MARCHF1: variants seen among roughly 807,000 people sequenced by gnomAD.
MARCHF1 encodes the protein membrane associated ring-CH-type finger 1.
MARCHF1 carries 40 observed loss-of-function variants against 54.2 expected under a neutral mutation model. The observed-to-expected ratio is 0.74, with a 90% confidence interval of 0.57 to 0.96. MARCHF1 has a LOEUF of 0.96. Among genes scored for constraint, MARCHF1 ranks in the 40% least tolerant of loss-of-function variants. The pLI, the probability that MARCHF1 is intolerant of heterozygous loss-of-function variation, is 0.00. For missense variants in MARCHF1, 586 were observed against 656.5 expected (o/e 0.89, Z 1.17); for synonymous variants, 236 against 236.3 (o/e 1.00, Z 0.01).
At chr4:164,150,301 A>T (rs1315965684) in intron 1 of MARCHF1, among the ~76,000 whole-genome samples, 1 of 152,170 alleles carries the variant, frequency 6.6e-6, no homozygotes, top group Non-Finnish European at 1.5e-5. Context: ...GTGCTTTGCA[A>T]AAGTAAAGCA....
intron 1 of MARCHF1, among the ~76,000 whole-genome samples, chr4:164,345,441 G>A (rs1730061915): frequency 6.6e-6 from 1 of 151,698 alleles, no homozygotes; most frequent in Non-Finnish European, 1.5e-5. Flanking sequence ...GTGTAGTGGC[G>A]CATGCTTGTA....
At chr4:163,842,790 G>T (rs904515499) in intron 4 of MARCHF1, among the ~76,000 whole-genome samples, 1 of 152,152 alleles carries the variant, frequency 6.6e-6, no homozygotes, top group African/African-American at 2.4e-5. Flanking sequence ...CATTCCCAAA[G>T]AATTTGTTTG....
At position 163,721,099 on chromosome 4, in the gene MARCHF1, A is replaced by C. The variant is rs186571355; in HGVS notation, c.112-20236T>G. On this transcript the variant is annotated intron_variant, in intron 4 of 9. Transcript: ENST00000514618. ...GAGTGGTGAGAGAGGGCATCCCTGT[A>C]TTGTGCCGGTTTTCAAAGGGAATGC... Among the ~76,000 whole-genome samples, 691 of 152,138 alleles carry C rather than the reference A, an allele frequency of 4.5e-3. 7 individuals carry two copies. The highest frequency in any genetic ancestry group is 0.016 in the African/African-American group (651 of 41,512).
chr4:164,261,322 C>A (rs957589986), intron 1 of MARCHF1, among the ~76,000 whole-genome samples: 13 of 152,110 alleles, frequency 8.5e-5, no homozygotes, highest in South Asian at 4.1e-4. Context: ...TAGATATGAT[C>A]ATTGTCTCCA....
chr4:163,879,821 G>GTGTGTGTGTT (rs1276685292), intron 3 of MARCHF1, among the ~76,000 whole-genome samples: 1 of 151,740 alleles, frequency 6.6e-6, no homozygotes, highest in Non-Finnish European at 1.5e-5. Context: ...GTGTGTGTGT[G>GTGTGTGTGTT]TGTGTGTGTG....
chr4:163,599,850 C>T (rs1740900227), intron 7 of MARCHF1, among the ~76,000 whole-genome samples: 1 of 152,156 alleles, frequency 6.6e-6, no homozygotes, highest in Non-Finnish European at 1.5e-5. Context: ...TTTAGGGCTT[C>T]CCCCGCAAAG....
intron 4 of MARCHF1, among the ~76,000 whole-genome samples, chr4:163,703,807 C>A (rs1744873936): frequency 6.6e-6 from 1 of 152,086 alleles, no homozygotes; most frequent in Non-Finnish European, 1.5e-5. Flanking sequence ...ATGAATGTGT[C>A]TGATATTAAT....
intron 1 of MARCHF1, among the ~76,000 whole-genome samples, chr4:164,343,142 A>G (rs1422940270): frequency 6.6e-6 from 1 of 152,188 alleles, no homozygotes; most frequent in Non-Finnish European, 1.5e-5. Context: ...TATTCTCAGT[A>G]CACACATTGA....
intron 4 of MARCHF1, among the ~76,000 whole-genome samples, chr4:163,851,200 C>T (rs187911098): frequency 3.9e-5 from 6 of 152,124 alleles, no homozygotes; most frequent in Admixed American, 6.5e-5. Context: ...AGTAGAATAA[C>T]GGAAAAAGAG....
intron 1 of MARCHF1, chr4:164,196,944 A>G: frequency 6.3e-7 from 1 of 1,592,098 alleles, no homozygotes; most frequent in South Asian, 1.1e-5. Context: ...TCAAATCACA[A>G]TAGGAATTTT....
intron 1 of MARCHF1, among the ~76,000 whole-genome samples, chr4:164,245,259 C>T (rs1243422273): frequency 6.6e-6 from 1 of 152,180 alleles, no homozygotes; most frequent in African/African-American, 2.4e-5. Context: ...GCTTATCCAC[C>T]ATGATCAAGT....
chr4:163,698,950 T>A (rs1744717636), intron 5 of MARCHF1, among the ~76,000 whole-genome samples: 3 of 152,158 alleles, frequency 2.0e-5, no homozygotes, highest in Non-Finnish European at 4.4e-5. Context: ...TTATAACCAC[T>A]TCAGAAAACC....
At chr4:163,615,736 C>T (rs142633137) in intron 5 of MARCHF1, among the ~76,000 whole-genome samples, 5 of 152,114 alleles carry the variant, frequency 3.3e-5, no homozygotes, top group Non-Finnish European at 5.9e-5. Flanking sequence ...TCCCAAAATT[C>T]ACATAGAACC....
intron 1 of MARCHF1, among the ~76,000 whole-genome samples, chr4:164,375,610 T>A (rs1043545840): frequency 1.3e-5 from 2 of 152,212 alleles, no homozygotes; most frequent in African/African-American, 4.8e-5. Context: ...GATTCATACA[T>A]TTCTTTTTTG....
chr4:163,729,541 C>T (rs1745767734), intron 4 of MARCHF1, among the ~76,000 whole-genome samples: 1 of 151,974 alleles, frequency 6.6e-6, no homozygotes, highest in Non-Finnish European at 1.5e-5. Context: ...AGATACAAGC[C>T]TACTCAAAGT....
At chr4:163,667,412 TAGA>T (rs1339323508) in intron 5 of MARCHF1, among the ~76,000 whole-genome samples, 1 of 152,132 alleles carries the variant, frequency 6.6e-6, no homozygotes, top group African/African-American at 2.4e-5. Context: ...CCATATATAT[TAGA>T]AGATGTTGAA....
At chr4:163,800,323 C>T (rs1748044008) in intron 4 of MARCHF1, among the ~76,000 whole-genome samples, 1 of 151,802 alleles carries the variant, frequency 6.6e-6, no homozygotes, top group South Asian at 2.1e-4. Flanking sequence ...AATTTTTATT[C>T]TAAACATTTA....
intron 4 of MARCHF1, among the ~76,000 whole-genome samples, chr4:163,719,114 T>C (rs1477805681): frequency 2.0e-5 from 3 of 152,164 alleles, no homozygotes; most frequent in African/African-American, 4.8e-5. Flanking sequence ...ATGGGCCATG[T>C]TGGTGTGCTG....
chr4:164,368,724 A>T (rs1730948912), intron 1 of MARCHF1, among the ~76,000 whole-genome samples: 1 of 152,212 alleles, frequency 6.6e-6, no homozygotes, highest in Non-Finnish European at 1.5e-5. Flanking sequence ...GAAGCCAAAA[A>T]ATTATATTTG....
Sources: allele counts gnomAD v4.1 joint callset (sites outside exome capture counted in the v4.1 genomes callset), GRCh38; gene constraint gnomAD v4.1.1; transcripts MANE v1.5; gene names NCBI Gene and HGNC (gene_info 2026-07-23, HGNC 2026-07-21).